The following PMS1 variants were observed in gnomAD, a reference collection of about 807,000 sequenced individuals.
The protein encoded by PMS1 is PMS1 homolog 1, mismatch repair system component.
In PMS1, 79 loss-of-function variants were observed where a neutral mutation model predicts 93.1. The observed-to-expected ratio is 0.85, with a 90% confidence interval of 0.71 to 1.02. PMS1 has a LOEUF of 1.02. PMS1 is among the 50% of genes least tolerant of loss of function. The pLI is 0.00. For synonymous variants in PMS1, 335 were observed against 363.4 expected (o/e 0.92, Z 0.89); for missense variants, 1,064 against 1,085.3 (o/e 0.98, Z 0.28).
Position 189,854,100 on chromosome 2 carries a change from AT to A in PMS1, c.966+24del, listed in dbSNP as rs1324513475. 1.9e-6 allele frequency: 3 copies of A among 1,538,542 alleles called. No individual in the cohort carries two copies. Among genetic ancestry groups the A allele is most frequent in the Non-Finnish European group, 1.8e-6 (2 of 1,123,644 alleles). On this transcript the variant is annotated intron_variant, in intron 8 of 12. Coordinates refer to ENST00000441310, the MANE Select transcript of PMS1 (RefSeq NM_000534.5). ...AAAATAAGGTAACTCTTTTCAGATA[AT>A]TTTTTCTTATGCTATTTATAAACAT...
chr2:189,828,581 A>G (rs751811016), intron 5 of PMS1, among the ~76,000 whole-genome samples: 5 of 152,204 alleles, frequency 3.3e-5, no homozygotes, highest in Non-Finnish European at 5.9e-5. Flanking sequence ...TTCAACCTGT[A>G]TATGTAAACT....
chr2:189,864,669 A>C (rs2056404617), intron 10 of PMS1, among the ~76,000 whole-genome samples: 1 of 37,290 alleles, frequency 2.7e-5, no homozygotes, highest in Admixed American at 3.9e-4. Flanking sequence ...AAAAAAAAAA[A>C]AAAAAAAAAA....
At chr2:189,832,759 T>C (rs186057187) in intron 5 of PMS1, among the ~76,000 whole-genome samples, 173 of 152,318 alleles carry the variant, frequency 1.1e-3, no homozygotes, top group South Asian at 3.1e-3. Context: ...ACAGATAATA[T>C]AGAGGCAGAG....
At chr2:189,832,777 C>CT in intron 5 of PMS1, among the ~76,000 whole-genome samples, 1 of 152,236 alleles carries the variant, frequency 6.6e-6, no homozygotes, top group Middle Eastern at 3.4e-3. Context: ...GAGAAGAGAG[C>CT]TTCAAATATT....
chr2:189,847,063 T>C (rs1167436856), intron 6 of PMS1, among the ~76,000 whole-genome samples: 8 of 152,056 alleles, frequency 5.3e-5, no homozygotes, highest in Non-Finnish European at 1.0e-4. Flanking sequence ...GGTTTCACCA[T>C]GTTGAACAGG....
intron 5 of PMS1, among the ~76,000 whole-genome samples, chr2:189,822,621 A>G (rs913171292): frequency 3.9e-5 from 6 of 152,218 alleles, no homozygotes; most frequent in Non-Finnish European, 7.3e-5. Context: ...ACATAAATTC[A>G]TCCATTCCTG....
intron 11 of PMS1, 41 bp from the exon 12 acceptor site, chr2:189,873,454 GA>G: frequency 7.2e-7 from 1 of 1,392,624 alleles, no homozygotes; most frequent in South Asian, 1.2e-5. Flanking sequence ...ACATGTTCTG[GA>G]ATATGAACTT....
chr2:189,849,775 T>C (rs2054547847), intron 6 of PMS1, among the ~76,000 whole-genome samples: 1 of 152,126 alleles, frequency 6.6e-6, no homozygotes, highest in South Asian at 2.1e-4. Context: ...CTTAGCCAGT[T>C]TGGCTCAGCC....
intron 9 of PMS1, among the ~76,000 whole-genome samples, chr2:189,860,756 T>TA (rs2055876846): frequency 6.6e-6 from 1 of 150,382 alleles, no homozygotes. Flanking sequence ...AGTTAAGTCT[T>TA]AAGTAGGTGA....
intron 1 of PMS1, among the ~76,000 whole-genome samples, chr2:189,787,589 AACTTC>A (rs201319553): frequency 0.046 from 5,689 of 124,158 alleles, 148 homozygotes; most frequent in African/African-American, 0.082. Context: ...AATTAAGATT[AACTTC>A]ACTTTTTTAT....
chr2:189,814,906 G>A (rs1220897132), intron 4 of PMS1, among the ~76,000 whole-genome samples: 3 of 151,950 alleles, frequency 2.0e-5, no homozygotes, highest in Non-Finnish European at 2.9e-5. Context: ...GACCATCCTG[G>A]CTAACATGGT....
intron 5 of PMS1, among the ~76,000 whole-genome samples, chr2:189,819,096 A>G (rs551344403): frequency 1.1e-4 from 17 of 152,260 alleles, no homozygotes; most frequent in African/African-American, 4.1e-4. Flanking sequence ...TCCACACTCT[A>G]TGTCCATACA....
chr2:189,792,038 C>A, intron 2 of PMS1, 97 bp downstream of exon 2: 1 of 1,057,034 alleles, frequency 9.5e-7, no homozygotes, highest in Non-Finnish European at 1.4e-6. Context: ...TATTTCTTTA[C>A]ACCAATAAAT....
At chr2:189,803,776 A>T (rs2050096634) in intron 3 of PMS1, among the ~76,000 whole-genome samples, 1 of 152,234 alleles carries the variant, frequency 6.6e-6, no homozygotes, top group Non-Finnish European at 1.5e-5. Flanking sequence ...TGTTTGCTTT[A>T]TGCTTTACTG....
At chr2:189,799,913 C>G in intron 3 of PMS1, among the ~76,000 whole-genome samples, 1 of 152,228 alleles carries the variant, frequency 6.6e-6, no homozygotes, top group East Asian at 1.9e-4. Context: ...AATAAACTGA[C>G]TGCTCACTAA....
chr2:189,817,392 G>A (rs1575125288), intron 4 of PMS1, among the ~76,000 whole-genome samples: 1 of 152,110 alleles, frequency 6.6e-6, no homozygotes, highest in African/African-American at 2.4e-5. Context: ...ATCGTATATG[G>A]CTATGACAAA....
At chr2:189,828,079 A>G (rs2052600363) in intron 5 of PMS1, among the ~76,000 whole-genome samples, 1 of 148,864 alleles carries the variant, frequency 6.7e-6, no homozygotes, top group Non-Finnish European at 1.5e-5. Context: ...ACCTACCACC[A>G]CGCCCGGCTA....
chr2:189,855,016 G>A lies in PMS1; in HGVS notation c.1744G>A (p.Val582Ile), dbSNP rs74512161. ...ACCCATGTCAGCAAGTGCTCTTTTT[G>A]TTCAAGATCATCGTCCTCAGTTTCT... Reference protein sequence around the residue: ...KKPMSASALFVQDHRPQFLIE... With the variant: ...KKPMSASALFIQDHRPQFLIE... Residue 582 changes from valine to isoleucine, a missense_variant, in exon 9 of 13, where the codon GTT becomes ATT. By Grantham distance (29) the Val-to-Ile change is conservative. Coordinates refer to ENST00000441310, the MANE Select transcript of PMS1 (RefSeq NM_000534.5). 92 of 1,613,364 alleles carry A rather than the reference G, an allele frequency of 5.7e-5. No homozygotes were observed. In the African/African-American group the frequency reaches 1.1e-3, roughly 19 times the overall value.
chr2:189,861,590 A>G (rs1309160058), intron 9 of PMS1, among the ~76,000 whole-genome samples: 1 of 151,836 alleles, frequency 6.6e-6, no homozygotes, highest in Non-Finnish European at 1.5e-5. Context: ...TCTCTACTAA[A>G]AATACAAAAT....
Sources: allele counts gnomAD v4.1 joint callset (sites outside exome capture counted in the v4.1 genomes callset), GRCh38; gene constraint gnomAD v4.1.1; transcripts MANE v1.5; gene names NCBI Gene and HGNC (gene_info 2026-07-23, HGNC 2026-07-21).